AVPR1A: variants seen among roughly 807,000 people sequenced by gnomAD.
The protein encoded by AVPR1A is vasopressin V1a receptor.
In AVPR1A, 31 loss-of-function variants were observed where a neutral mutation model predicts 31.5. That is an observed-to-expected ratio of 0.99 (90% CI 0.74 to 1.33). The LOEUF (loss-of-function observed/expected upper bound fraction) is 1.33. AVPR1A is among the 40% of genes most tolerant of loss of function. The probability of loss-of-function intolerance (pLI) is 0.00; values close to 1 mark genes in which losing one functional copy is unlikely to be tolerated. For synonymous variants in AVPR1A, 243 were observed against 233.2 expected (o/e 1.04, Z -0.38); for missense variants, 570 against 575.2 (o/e 0.99, Z 0.09).
chr12:63,144,460 C>T lies in AVPR1A; in HGVS notation c.*2899G>A, dbSNP rs996868561. ...TAGAGGCATTAAAATTGTGTACTTG[C>T]AGGATCTTCCCACTGTTAACTGTGA... On this transcript the variant is annotated 3_prime_UTR_variant, in exon 2 of 2. Transcript: ENST00000299178. 6.6e-6 allele frequency: 1 copy of T among 152,160 alleles called. No individual in the cohort carries two copies. The highest frequency in any genetic ancestry group is 2.4e-5 in the African/African-American group (1 of 41,438). 9.4% of individuals were successfully genotyped at this position (152,160 alleles called of 1,614,324 possible).
At position 63,144,423 on chromosome 12, in the gene AVPR1A, C is replaced by G. The variant is rs1047649906; in HGVS notation, c.*2936G>C. ...TGGACATTTTTTATATATCACATTC[C>G]TAATACCCATATAGAGGCATTAAAA... On this transcript the variant is annotated 3_prime_UTR_variant, in exon 2 of 2. Transcript: ENST00000299178. 1 of 152,168 alleles carries G rather than the reference C, an allele frequency of 6.6e-6. No homozygotes were observed. Among genetic ancestry groups the G allele is most frequent in the African/African-American group, 2.4e-5 (1 of 41,444 alleles). The allele number at this position is 152,168 out of a possible 1,614,324, so 9.4% of individuals were successfully genotyped here.
rs1479306876 is a variant in AVPR1A at position 63,146,617 on chromosome 12, C to A, written c.*742G>T. On this transcript the variant is annotated 3_prime_UTR_variant, in exon 2 of 2. Coordinates refer to ENST00000299178, the MANE Select transcript of AVPR1A (RefSeq NM_000706.5). ...TTATACAAATCTGACTTTAAAACAA[C>A]CTCGCAGTGGGGGAAAAAAGATATT... is the stretch of plus-strand genomic sequence containing the variant. 6.6e-6 allele frequency: 1 copy of A among 152,166 alleles called. No individual in the cohort carries two copies. Among genetic ancestry groups the A allele is most frequent in the African/African-American group, 2.4e-5 (1 of 41,428 alleles). 9.4% of individuals were successfully genotyped at this position (152,166 alleles called of 1,614,324 possible). A position where few individuals can be genotyped will look rare whatever the true frequency, so the allele number is the denominator to read the frequency against.
rs771830223 is a variant in AVPR1A, at chr12:63,147,532, T to C, written c.1084A>G (p.Ser362Gly). ...TTCATGTTTTGGCAGCATGGGAAGC[T>C]TTGAACACAGTCTTGAAGGAGATGG... The part of the protein sequence containing the change: ...SGHLLQDCVQ[S>G]FPCCQNMKEK... Residue 362 changes from serine to glycine, a missense_variant, in exon 2 of 2, where the codon AGC (serine) becomes GGC (glycine). By Grantham distance (56) the Ser-to-Gly change is moderately conservative. Coordinates refer to ENST00000299178, the MANE Select transcript of AVPR1A (RefSeq NM_000706.5). 2.5e-6 allele frequency: 4 copies of C among 1,614,176 alleles called. No individual in the cohort carries two copies. The highest frequency in any genetic ancestry group is 3.4e-6 in the Non-Finnish European group (4 of 1,180,012).
In AVPR1A at chr12:63,147,370, C is replaced by G; in HGVS notation, c.1246G>C (p.Val416Leu). 6.2e-7 allele frequency: 1 copy of G among 1,611,668 alleles called. No individual in the cohort carries two copies. The highest frequency in any genetic ancestry group is 8.5e-7 in the Non-Finnish European group (1 of 1,177,838). ...CATGAATGCAAGGCTCAAGTTGAAA[C>G]AGGAATGAATTTGATGGACTTGGAA... ...KSSKSIKFIP[V>L]ST Residue 416 changes from valine to leucine, a missense_variant, in exon 2 of 2, where the codon GTT becomes CTT. Coordinates refer to ENST00000299178, the MANE Select transcript of AVPR1A (RefSeq NM_000706.5).
In AVPR1A at chr12:63,144,998, T is replaced by C. The variant is rs1187002147; in HGVS notation, c.*2361A>G. 6.4e-6 allele frequency: 1 copy of C among 155,074 alleles called. No homozygotes were observed. The highest frequency in any genetic ancestry group is 1.4e-5 in the Non-Finnish European group (1 of 69,846). The allele number at this position is 155,074 out of a possible 1,614,324, so 9.6% of individuals were successfully genotyped here. ...GGTTCTGAGGTTCTTACTTTGGAAA[T>C]GGATTTAGAAAAAAATGGGTTCATC... On this transcript the variant is annotated 3_prime_UTR_variant, in exon 2 of 2. Transcript: ENST00000299178.
In AVPR1A at chr12:63,146,015, A is replaced by T. The variant is rs1165185071; in HGVS notation, c.*1344T>A. On this transcript the variant is annotated 3_prime_UTR_variant, in exon 2 of 2. Coordinates refer to ENST00000299178, the MANE Select transcript of AVPR1A (RefSeq NM_000706.5). The stretch of plus-strand genomic sequence containing the variant: ...TGAAATGAACCAATTCTAGTTAATG[A>T]AAAATAAACTGGAAAACATCTGTGC... 1 of 152,288 alleles carries T rather than the reference A, an allele frequency of 6.6e-6. No individual in the cohort carries two copies. Among genetic ancestry groups the T allele is most frequent in the African/African-American group, 2.4e-5 (1 of 41,454 alleles). 9.4% of individuals were successfully genotyped at this position (152,288 alleles called of 1,614,324 possible). A position where few individuals can be genotyped will look rare whatever the true frequency, so the allele number is the denominator to read the frequency against.
chr12:63,150,954 G>A lies in AVPR1A; in HGVS notation c.-118C>T, dbSNP rs1868474224. ...GAAGCGCAGGGTCTTTGGCGCGCTC[G>A]CAGCTTGCCGGGCTCTGCGATCCCT... On this transcript the variant is annotated 5_prime_UTR_variant, in exon 1 of 2. Coordinates refer to ENST00000299178, the MANE Select transcript of AVPR1A (RefSeq NM_000706.5). The surrounding 1 kb of genome is among the most constrained non-coding windows in gnomAD (Gnocchi z 4.9). The A allele has an allele frequency of 1.4e-6, 2 of 1,395,612 alleles. No homozygotes were observed. Among genetic ancestry groups the A allele is most frequent in the Non-Finnish European group, 1.9e-6 (2 of 1,064,972 alleles). 86.5% of individuals were successfully genotyped at this position (1,395,612 alleles called of 1,614,324 possible). A position where few individuals can be genotyped will look rare whatever the true frequency, so the allele number is the denominator to read the frequency against.
Position 63,150,867 on chromosome 12 carries a change from T to C in AVPR1A, c.-31A>G, listed in dbSNP as rs920916136. 16 of 1,504,196 alleles carry C rather than the reference T, an allele frequency of 1.1e-5. No individual in the cohort carries two copies. The highest frequency in any genetic ancestry group is 1.3e-5 in the Non-Finnish European group (15 of 1,135,812). The allele number at this position is 1,504,196 out of a possible 1,614,324, so 93.2% of individuals were successfully genotyped here. ...CCATGCAGCTCCTACTCGGCCCTCT[T>C]CGGAGCTCCAGCCCTCGCGGGCCGC... On this transcript the variant is annotated 5_prime_UTR_variant, in exon 1 of 2. Coordinates refer to ENST00000299178, the MANE Select transcript of AVPR1A (RefSeq NM_000706.5). The surrounding 1 kb of genome is among the most constrained non-coding windows in gnomAD (Gnocchi z 4.9).
intron 1 of AVPR1A, 145 bp from the exon 2 acceptor site, chr12:63,147,790 G>A: frequency 1.1e-6 from 1 of 903,998 alleles, no homozygotes; most frequent in Non-Finnish European, 1.6e-6. Context: ...GAAATGGGGA[G>A]TGTTTGAAAA....
chr12:63,148,121 T>C (rs963098012), intron 1 of AVPR1A, among the ~76,000 whole-genome samples: 1 of 152,168 alleles, frequency 6.6e-6, no homozygotes, highest in Non-Finnish European at 1.5e-5. Context: ...AATATTCTTA[T>C]AATATGAAAA....
At position 63,147,060 on chromosome 12, in the gene AVPR1A, AAC is replaced by A. The variant is rs1285650955; in HGVS notation, c.*297_*298del. The A allele has an allele frequency of 6.9e-6, 2 of 291,868 alleles. No homozygotes were observed. Among genetic ancestry groups the A allele is most frequent in the African/African-American group, 4.3e-5 (2 of 46,760 alleles). 18.1% of individuals were successfully genotyped at this position (291,868 alleles called of 1,614,324 possible). ...GTTAGAAATGAAAATAAAAGAAACT[AAC>A]AACAAAATATAAAGCTAGGGTGGTT... On this transcript the variant is annotated 3_prime_UTR_variant, in exon 2 of 2. Transcript: ENST00000299178.
rs3021531 is a variant in AVPR1A, at chr12:63,150,924, C to G, written c.-88G>C. 0.01 allele frequency: 14,503 copies of G among 1,434,124 alleles called. 1,215 individuals are homozygous for G. The African/African-American group carries it at 0.18, about 18-fold the overall frequency. 88.8% of individuals were successfully genotyped at this position (1,434,124 alleles called of 1,614,324 possible). On this transcript the variant is annotated 5_prime_UTR_variant, in exon 1 of 2. Coordinates refer to ENST00000299178, the MANE Select transcript of AVPR1A (RefSeq NM_000706.5). The surrounding 1 kb of genome is among the most constrained non-coding windows in gnomAD (Gnocchi z 4.9). Reference sequence around the variant, plus strand: ...CCCGTCTCGGAGGACTTGGGCTCCTCGTCCGAAGCGCAGGGTCTTTGGCGC... The same window carrying G: ...CCCGTCTCGGAGGACTTGGGCTCCTGGTCCGAAGCGCAGGGTCTTTGGCGC...
intron 1 of AVPR1A, among the ~76,000 whole-genome samples, chr12:63,148,248 T>G (rs550741270): frequency 1.3e-5 from 2 of 152,302 alleles, no homozygotes; most frequent in South Asian, 4.1e-4. Context: ...AACAGTAGAA[T>G]TAGGAAATTC....
At position 63,146,070 on chromosome 12, in the gene AVPR1A, A is replaced by C. The variant is rs1363594644; in HGVS notation, c.*1289T>G. 5 of 152,300 alleles carry C rather than the reference A, an allele frequency of 3.3e-5. No homozygotes were observed. Among genetic ancestry groups the C allele is most frequent in the Admixed American group, 6.5e-5 (1 of 15,288 alleles). 9.4% of individuals were successfully genotyped at this position (152,300 alleles called of 1,614,324 possible). A position where few individuals can be genotyped will look rare whatever the true frequency, so the allele number is the denominator to read the frequency against. On this transcript the variant is annotated 3_prime_UTR_variant, in exon 2 of 2. Transcript: ENST00000299178. ...TTGGAGATCCCAAGGCTATAATAAA[A>C]GCAACTGCTAGCATGTGTATAGTAC...
At position 63,150,257 on chromosome 12, in the gene AVPR1A, C is replaced by G. The variant is rs1868442947; in HGVS notation, c.580G>C (p.Val194Leu). The G allele has an allele frequency of 6.2e-7, 1 of 1,613,898 alleles. No homozygotes were observed. The highest frequency in any genetic ancestry group is 8.5e-7 in the Non-Finnish European group (1 of 1,180,038). The change falls in exon 1 of 2, where the codon GTG (valine) becomes CTG (leucine). Residue 194 changes from valine (V) to leucine (L), a missense_variant. By Grantham distance (32) the Val-to-Leu change is conservative. Coordinates refer to ENST00000299178, the MANE Select transcript of AVPR1A (RefSeq NM_000706.5). This position sits in a 1 kb window ranked among gnomAD's most constrained non-coding sequence, Gnocchi z 4.9. The part of the protein sequence containing the change: ...PQYFVFSMIE[V>L]NNVTKARDCW... ...TCGCGGGCCTTGGTGACATTGTTCA[C>G]CTCGATCATGGAGAAGACGAAGTAC...
intron 1 of AVPR1A, 86 bp from the exon 2 acceptor site, chr12:63,147,731 A>G (rs1868379985): frequency 1.5e-6 from 2 of 1,358,626 alleles, no homozygotes; most frequent in Non-Finnish European, 2.0e-6. Context: ...AAGAAGGCAT[A>G]AACTTCTGGA....
At position 63,146,297 on chromosome 12, in the gene AVPR1A, C is replaced by T. The variant is rs1432857318; in HGVS notation, c.*1062G>A. ...AGCAGTTCTCTTTCCATCTGTCACCCATGTCCCAACCCTGTCTCATCTCTG... is the reference window on the plus strand; with the variant it reads ...AGCAGTTCTCTTTCCATCTGTCACCTATGTCCCAACCCTGTCTCATCTCTG... On this transcript the variant is annotated 3_prime_UTR_variant, in exon 2 of 2. Transcript: ENST00000299178. The T allele has an allele frequency of 6.6e-6, 1 of 152,178 alleles. No homozygotes were observed. 9.4% of individuals were successfully genotyped at this position (152,178 alleles called of 1,614,324 possible).
chr12:63,147,313 G>A lies in AVPR1A; in HGVS notation c.*46C>T, dbSNP rs1257859643. On this transcript the variant is annotated 3_prime_UTR_variant, in exon 2 of 2. Transcript: ENST00000299178. Reference sequence around the variant, plus strand: ...TGATTTCTAGCTCAATTCAGCTAATGAGCCAAAAAGTCAATCACAAGAATC... The same window carrying A: ...TGATTTCTAGCTCAATTCAGCTAATAAGCCAAAAAGTCAATCACAAGAATC... 6 of 1,592,312 alleles carry A rather than the reference G, an allele frequency of 3.8e-6. No individual in the cohort carries two copies. Among genetic ancestry groups the A allele is most frequent in the South Asian group, 1.1e-5 (1 of 89,084 alleles).
chr12:63,142,783 A>G lies in AVPR1A; in HGVS notation c.*4576T>C, dbSNP rs1868331070. ...ATCCAAAACTTATTTTTGTTTATAGAAACAAGACAACACACAGTAAAATTG... is the reference window on the plus strand; with the variant it reads ...ATCCAAAACTTATTTTTGTTTATAGGAACAAGACAACACACAGTAAAATTG... On this transcript the variant is annotated 3_prime_UTR_variant, in exon 2 of 2. Coordinates refer to ENST00000299178, the MANE Select transcript of AVPR1A (RefSeq NM_000706.5). 1 of 152,192 alleles carries G rather than the reference A, an allele frequency of 6.6e-6. No individual in the cohort carries two copies. Among genetic ancestry groups the G allele is most frequent in the Non-Finnish European group, 1.5e-5 (1 of 67,996 alleles). The allele number at this position is 152,192 out of a possible 1,614,324, so 9.4% of individuals were successfully genotyped here.
Sources: gnomAD v4.1 joint callset for allele counts (sites outside exome capture counted in the v4.1 genomes callset) on GRCh38, gnomAD v4.1.1 for gene constraint, Gnocchi (gnomAD v3.1) non-coding constraint, MANE v1.5 for transcripts, NCBI Gene and HGNC (gene_info 2026-07-23, HGNC 2026-07-21) for gene names.